CPXM2: variants seen among roughly 807,000 people sequenced by gnomAD.
CPXM2 encodes the protein inactive carboxypeptidase-like protein X2.
CPXM2 carries 66 observed loss-of-function variants against 86.1 expected under a neutral mutation model. The observed-to-expected ratio is 0.77, with a 90% confidence interval of 0.63 to 0.94. CPXM2 has a LOEUF of 0.94. Among genes scored for constraint, CPXM2 ranks in the 40% least tolerant of loss-of-function variants. The probability of loss-of-function intolerance (pLI) is 0.00; values close to 1 mark genes in which losing one functional copy is unlikely to be tolerated. For missense variants in CPXM2, 948 were observed against 1,026.3 expected (o/e 0.92, Z 1.04); for synonymous variants, 388 against 400.2 (o/e 0.97, Z 0.36).
chr10:123,920,112 T>C (rs564830604), intron 2 of CPXM2, among the ~76,000 whole-genome samples: 1 of 151,966 alleles, frequency 6.6e-6, no homozygotes, highest in South Asian at 2.1e-4. Flanking sequence ...ACAAACTATA[T>C]CCAAACCATG....
chr10:123,848,901 G>A (rs1848547175), intron 3 of CPXM2, among the ~76,000 whole-genome samples: 1 of 152,154 alleles, frequency 6.6e-6, no homozygotes, highest in Non-Finnish European at 1.5e-5. Flanking sequence ...CATTGTCACA[G>A]TTACAAGTAT....
chr10:123,858,168 A>C (rs1461179403), intron 3 of CPXM2, among the ~76,000 whole-genome samples: 2 of 152,236 alleles, frequency 1.3e-5, no homozygotes, highest in African/African-American at 4.8e-5. Context: ...CACAGGGCAA[A>C]TATGCACTAG....
upstream of CPXM2, among the ~76,000 whole-genome samples, chr10:123,943,663 A>G (rs1945797627): frequency 6.6e-6 from 1 of 152,354 alleles, no homozygotes; most frequent in East Asian, 1.9e-4. Context: ...TGTAGAGCTG[A>G]GCCAGGTATG....
intron 6 of CPXM2, among the ~76,000 whole-genome samples, chr10:123,793,781 G>A (rs986706648): frequency 3.9e-5 from 6 of 152,070 alleles, no homozygotes; most frequent in African/African-American, 1.2e-4. Flanking sequence ...CCAAATGAAC[G>A]ATCAACCCAT....
chr10:123,818,641 A>G (rs1363722559), intron 4 of CPXM2, among the ~76,000 whole-genome samples: 1 of 152,214 alleles, frequency 6.6e-6, no homozygotes, highest in Admixed American at 6.5e-5. Flanking sequence ...CACTCACTTT[A>G]CAGCTAAAGA....
At chr10:123,785,875 T>C (rs1481166566) in intron 6 of CPXM2, among the ~76,000 whole-genome samples, 2 of 152,058 alleles carry the variant, frequency 1.3e-5, no homozygotes, top group Non-Finnish European at 2.9e-5. Context: ...CCTTGTGATC[T>C]GCCCGCCTCA....
intron 4 of CPXM2, among the ~76,000 whole-genome samples, chr10:123,817,055 T>A (rs1163700734): frequency 6.6e-6 from 1 of 152,198 alleles, no homozygotes; most frequent in Non-Finnish European, 1.5e-5. Flanking sequence ...AGGTAAAGGA[T>A]AAGTTGCTGC....
At chr10:123,815,738 C>T (rs905041215) in intron 4 of CPXM2, among the ~76,000 whole-genome samples, 2 of 152,290 alleles carry the variant, frequency 1.3e-5, no homozygotes, top group East Asian at 1.9e-4. Context: ...AATTAAAGTC[C>T]TGGCAGGCCC....
intron 4 of CPXM2, among the ~76,000 whole-genome samples, chr10:123,809,757 T>C (rs897906088): frequency 1.3e-5 from 2 of 151,926 alleles, no homozygotes; most frequent in South Asian, 4.2e-4. Context: ...AGATATTTCT[T>C]TCAATTTTGC....
intron 2 of CPXM2, among the ~76,000 whole-genome samples, chr10:123,870,963 G>A (rs1342272337): frequency 6.6e-6 from 1 of 152,180 alleles, no homozygotes; most frequent in African/African-American, 2.4e-5. Flanking sequence ...GGCTACACAA[G>A]CTCAGAGATT....
intron 11 of CPXM2, 21 bp downstream of exon 11, chr10:123,761,851 C>G (rs372149847): frequency 6.2e-7 from 1 of 1,608,990 alleles, no homozygotes; most frequent in African/African-American, 1.3e-5. Flanking sequence ...GCAGCCCACT[C>G]TCCCCCAGAG....
rs148375166 is a variant in CPXM2, at chr10:123,920,002, C to A, written n.174+19475G>T. Among the ~76,000 whole-genome samples, 1,144 of 152,268 alleles carry A rather than the reference C, an allele frequency of 7.5e-3. 13 individuals carry two copies. Among genetic ancestry groups the A allele is most frequent in the African/African-American group, 0.026 (1,083 of 41,558 alleles). On this transcript the variant is annotated intron_variant and non_coding_transcript_variant, in intron 2 of 19. Transcript: ENST00000368854. ...TCATTACCACAAGGACAGCACCAAG[C>A]CTTTCATGAGGGATCCACTGCCATG...
At chr10:123,753,778 G>A (rs1469285944) in intron 13 of CPXM2, among the ~76,000 whole-genome samples, 1 of 152,176 alleles carries the variant, frequency 6.6e-6, no homozygotes, top group Non-Finnish European at 1.5e-5. Flanking sequence ...GGAATAAGAT[G>A]TCAGCACTGC....
rs771296124 is a variant in CPXM2, at chr10:123,780,189, T to C, written c.956A>G (p.His319Arg). 4 of 1,608,640 alleles carry C rather than the reference T, an allele frequency of 2.5e-6. No homozygotes were observed. The highest frequency in any genetic ancestry group is 3.4e-6 in the Non-Finnish European group (4 of 1,174,974). ...TTTDDLDFKHHNYKEMRQLMK... is the reference protein window; with the variant it reads ...TTTDDLDFKHRNYKEMRQLMK... ...TACCTGGCGCATTTCCTTATAATTG[T>C]GGTGCTTAAAATCCAGGTCATCAGT... Residue 319 changes from histidine (H) to arginine (R), a missense_variant, in exon 7 of 14, where the codon CAC becomes CGC. His to Arg is a conservative substitution (Grantham distance 29). Coordinates refer to ENST00000241305, the MANE Select transcript of CPXM2 (RefSeq NM_198148.3).
At chr10:123,801,535 C>T (rs544668768) in intron 4 of CPXM2, among the ~76,000 whole-genome samples, 1 of 152,334 alleles carries the variant, frequency 6.6e-6, no homozygotes, top group East Asian at 1.9e-4. Context: ...CCTCCCCTGC[C>T]ACCACCCCAG....
chr10:123,769,049 G>A (rs574168282), intron 8 of CPXM2, among the ~76,000 whole-genome samples: 1 of 152,324 alleles, frequency 6.6e-6, no homozygotes, highest in East Asian at 1.9e-4. Context: ...GTAGCAATCA[G>A]TGCCTCTCTT....
intron 1 of CPXM2, among the ~76,000 whole-genome samples, chr10:123,884,432 G>A (rs1945147375): frequency 6.6e-6 from 1 of 152,196 alleles, no homozygotes; most frequent in South Asian, 2.1e-4. Context: ...ATGTTGGCAG[G>A]GAAAGGGCCA....
At chr10:123,899,039 C>T (rs918756278) in intron 2 of CPXM2, among the ~76,000 whole-genome samples, 5 of 152,182 alleles carry the variant, frequency 3.3e-5, no homozygotes, top group Admixed American at 6.5e-5. Flanking sequence ...CACCCGCCAC[C>T]GCACCCGGCC....
At chr10:123,800,047 T>G (rs1847423344) in intron 4 of CPXM2, among the ~76,000 whole-genome samples, 1 of 151,014 alleles carries the variant, frequency 6.6e-6, no homozygotes, top group Admixed American at 6.6e-5. Flanking sequence ...TTTTTTTTTT[T>G]TTTAGAAAAT....
Sources: allele counts gnomAD v4.1 joint callset (sites outside exome capture counted in the v4.1 genomes callset), GRCh38; gene constraint gnomAD v4.1.1; transcripts MANE v1.5; gene names NCBI Gene and HGNC (gene_info 2026-07-23, HGNC 2026-07-21).